CAMTA1: variants seen among roughly 807,000 people sequenced by gnomAD.
The protein encoded by CAMTA1 is calmodulin-binding transcription activator 1.
Under a neutral mutation model 170.9 loss-of-function variants are expected in CAMTA1, and 27 were observed. The observed-to-expected ratio is 0.16, with a 90% CI of 0.12 to 0.22. The LOEUF is 0.22. CAMTA1 is among the 10% of genes least tolerant of loss of function. The probability of loss-of-function intolerance (pLI) is 1.00; values close to 1 mark genes in which losing one functional copy is unlikely to be tolerated. For missense variants in CAMTA1, 1,619 were observed against 2,217.2 expected (o/e 0.73, Z 5.42); for synonymous variants, 833 against 891.5 (o/e 0.93, Z 1.17).
intron 5 of CAMTA1, among the ~76,000 whole-genome samples, chr1:7,261,818 G>A (rs531473897): frequency 2.2e-4 from 33 of 152,360 alleles, no homozygotes; most frequent in Admixed American, 1.9e-3. Context: ...TGTTGGCGTT[G>A]TCTGATAGCT....
At chr1:6,792,383 T>G (rs191452769) in intron 1 of CAMTA1, among the ~76,000 whole-genome samples, 1 of 151,908 alleles carries the variant, frequency 6.6e-6, no homozygotes, top group Non-Finnish European at 1.5e-5. Flanking sequence ...GCTGTATATT[T>G]CTAAGGTTGT....
At position 7,769,307 on chromosome 1, in the gene CAMTA1, CATTATA is replaced by C. The variant is rs1389940179; in HGVS notation, c.*2818_*2823del. On this transcript the variant is annotated 3_prime_UTR_variant, in exon 23 of 23. Coordinates refer to ENST00000303635, the MANE Select transcript of CAMTA1 (RefSeq NM_015215.4). ...TTCCCAAGTGCCAGGAGTAGGATTTCATTATAAAATTAATAGCTAATCTTATTCTAT... is the reference window on the plus strand; with the variant it reads ...TTCCCAAGTGCCAGGAGTAGGATTTCAAATTAATAGCTAATCTTATTCTAT... 1 of 152,768 alleles carries C rather than the reference CATTATA, an allele frequency of 6.5e-6. No homozygotes were observed. The highest frequency in any genetic ancestry group is 2.4e-5 in the African/African-American group (1 of 41,452). 9.5% of individuals were successfully genotyped at this position (152,768 alleles called of 1,614,324 possible).
intron 11 of CAMTA1, among the ~76,000 whole-genome samples, chr1:7,686,287 G>C (rs374724099): frequency 6.6e-6 from 1 of 152,314 alleles, no homozygotes; most frequent in East Asian, 1.9e-4. Context: ...GATGGTCTGG[G>C]AGAGGGTACC....
chr1:7,310,644 CTTT>C (rs752527605), intron 5 of CAMTA1, among the ~76,000 whole-genome samples: 30,564 of 60,248 alleles, frequency 0.51, 8,253 homozygotes, highest in Middle Eastern at 0.6. Flanking sequence ...TTCTTTCTTT[CTTT>C]TTTCTTTCTT....
intron 6 of CAMTA1, among the ~76,000 whole-genome samples, chr1:7,574,210 G>C (rs187823950): frequency 6.6e-6 from 1 of 152,204 alleles, no homozygotes; most frequent in African/African-American, 2.4e-5. Context: ...ACCATGTGCC[G>C]AGCTCTGAGC....
intron 4 of CAMTA1, among the ~76,000 whole-genome samples, chr1:7,141,827 G>T (rs1300582410): frequency 3.3e-5 from 5 of 152,192 alleles, no homozygotes; most frequent in African/African-American, 4.8e-5. Flanking sequence ...ATGGTTACAT[G>T]ACTCCGAAGG....
chr1:7,127,258 T>TTC (rs1160797561), intron 4 of CAMTA1, among the ~76,000 whole-genome samples: 1 of 144,828 alleles, frequency 6.9e-6, no homozygotes, highest in Admixed American at 6.8e-5. Context: ...TTTTTTTTTT[T>TTC]TTTTTTTTTT....
At position 7,562,072 on chromosome 1, in the gene CAMTA1, G is replaced by C. The variant is rs1286000590; in HGVS notation, c.511-78328G>C. 2.0e-5 allele frequency among the ~76,000 whole-genome samples: 3 copies of C among 152,148 alleles called. No individual in the cohort carries two copies. The highest frequency in any genetic ancestry group is 4.4e-5 in the Non-Finnish European group (3 of 68,036). ...GATGGTGATTGGGAGATGGTGTTCAGGGAAGCCTTTGTGCCCCAGGAAAAG... is the reference window on the plus strand; with the variant it reads ...GATGGTGATTGGGAGATGGTGTTCACGGAAGCCTTTGTGCCCCAGGAAAAG... On this transcript the variant is annotated intron_variant, in intron 6 of 22. Transcript: ENST00000303635. The surrounding 1 kb of genome is among the most constrained non-coding windows in gnomAD (Gnocchi z 4.8).
chr1:7,622,456 G>A (rs1242879718), intron 6 of CAMTA1, among the ~76,000 whole-genome samples: 1 of 152,206 alleles, frequency 6.6e-6, no homozygotes, highest in African/African-American at 2.4e-5. Flanking sequence ...GAATTCCAAA[G>A]TTAGTATCCG....
intron 5 of CAMTA1, among the ~76,000 whole-genome samples, chr1:7,444,092 A>G (rs2092621500): frequency 6.6e-6 from 1 of 152,252 alleles, no homozygotes; most frequent in Non-Finnish European, 1.5e-5. Context: ...GCTGGTGCTC[A>G]GTGAGATTAA....
intron 3 of CAMTA1, among the ~76,000 whole-genome samples, chr1:6,962,822 C>T (rs539604335): frequency 6.6e-6 from 1 of 150,974 alleles, no homozygotes; most frequent in South Asian, 2.1e-4. Context: ...CTCCTCCCAC[C>T]CATCTGGCCC....
At chr1:7,398,889 C>G (rs79272819) in intron 5 of CAMTA1, among the ~76,000 whole-genome samples, 2 of 152,222 alleles carry the variant, frequency 1.3e-5, no homozygotes, top group South Asian at 4.1e-4. Flanking sequence ...TTGATAATAA[C>G]TTATCTTTGG....
chr1:7,275,606 C>G (rs1574369967), intron 5 of CAMTA1, among the ~76,000 whole-genome samples: 1 of 151,862 alleles, frequency 6.6e-6, no homozygotes, highest in African/African-American at 2.4e-5. Context: ...TAAAGGTAAC[C>G]TAAGAGGTGT....
rs533486076 is a variant in CAMTA1 at position 7,217,139 on chromosome 1, C to T, written c.303-32352C>T. Among the ~76,000 whole-genome samples, 16 of 152,312 alleles carry T rather than the reference C, an allele frequency of 1.1e-4. No homozygotes were observed. The South Asian group carries it at 3.3e-3, about 32-fold the overall frequency. On this transcript the variant is annotated intron_variant, in intron 4 of 22. Transcript: ENST00000303635. ...TGGGACCAGGTGGAGAAAATTAAAT[C>T]ATGGGGACAGTTTCCCCCATACTGT...
chr1:6,983,319 C>T (rs1343396366), intron 3 of CAMTA1, among the ~76,000 whole-genome samples: 4 of 152,126 alleles, frequency 2.6e-5, no homozygotes, highest in Non-Finnish European at 5.9e-5. Context: ...TACCTGCCTT[C>T]CCTCCACTAC....
At chr1:6,786,000 C>T (rs972957931) in intron 1 of CAMTA1, among the ~76,000 whole-genome samples, 1 of 151,366 alleles carries the variant, frequency 6.6e-6, no homozygotes, top group Non-Finnish European at 1.5e-5. Context: ...AAAGTTTATC[C>T]GCCTCGGGTC....
chr1:6,867,795 C>T (rs977481631), intron 3 of CAMTA1, among the ~76,000 whole-genome samples: 6 of 151,216 alleles, frequency 4.0e-5, no homozygotes, highest in Non-Finnish European at 7.4e-5. Flanking sequence ...GTAATCACCT[C>T]TTTTTTTTTC....
chr1:7,166,808 GT>G (rs148558785), intron 4 of CAMTA1, among the ~76,000 whole-genome samples: 3,378 of 138,838 alleles, frequency 0.024, 47 homozygotes, highest in South Asian at 0.035. Flanking sequence ...TTTTGATGCA[GT>G]TTTTTTTTTT....
chr1:7,162,942 C>T (rs148602036), intron 4 of CAMTA1, among the ~76,000 whole-genome samples: 160 of 152,154 alleles, frequency 1.1e-3, no homozygotes, highest in Non-Finnish European at 6.2e-4. Flanking sequence ...TAGTTTTGAA[C>T]GTTTTGGCAG....
Sources: allele counts gnomAD v4.1 joint callset (sites outside exome capture counted in the v4.1 genomes callset), GRCh38; gene constraint gnomAD v4.1.1; non-coding constraint Gnocchi (gnomAD v3.1); transcripts MANE v1.5; gene names NCBI Gene and HGNC (gene_info 2026-07-23, HGNC 2026-07-21).